Variants in TMEFF2 observed in about 807,000 individuals in gnomAD.
TMEFF2 encodes the protein tomoregulin-2.
In TMEFF2, 28 loss-of-function variants were observed where a neutral mutation model predicts 53.8. The ratio of observed to expected loss-of-function variants is 0.52; its 90% CI spans 0.39 to 0.71. The LOEUF is 0.71. Ranked by LOEUF, TMEFF2 falls within the 30% of genes least tolerant of loss-of-function variation. The pLI is 0.00. For synonymous variants in TMEFF2, 162 were observed against 166.3 expected, an observed-to-expected ratio of 0.97 and a Z score of 0.20; for missense variants, 353 against 455.2, an observed-to-expected ratio of 0.78 and a Z score of 2.04.
chr2:192,094,243 A>C (rs946774485), intron 4 of TMEFF2, among the ~76,000 whole-genome samples: 1 of 152,172 alleles, frequency 6.6e-6, no homozygotes, highest in Admixed American at 6.6e-5. Context: ...TGTGGCTTAC[A>C]ACACAGATAA....
At chr2:192,165,791 A>C (rs1412747401) in intron 4 of TMEFF2, among the ~76,000 whole-genome samples, 2 of 152,106 alleles carry the variant, frequency 1.3e-5, no homozygotes, top group Non-Finnish European at 2.9e-5. Context: ...ATGCTCCCTC[A>C]GCATTAGCAG....
intron 7 of TMEFF2, among the ~76,000 whole-genome samples, chr2:191,978,490 C>T (rs75172341): frequency 0.01 from 1,567 of 151,818 alleles, 24 homozygotes; most frequent in African/African-American, 0.036. Flanking sequence ...ATTGATCTAT[C>T]TGAAGACCAC....
At chr2:192,103,993 G>C (rs1222370124) in intron 4 of TMEFF2, among the ~76,000 whole-genome samples, 1 of 151,874 alleles carries the variant, frequency 6.6e-6, no homozygotes, top group Non-Finnish European at 1.5e-5. Context: ...GTTTTGAGAG[G>C]ACTAACGCTT....
intron 4 of TMEFF2, among the ~76,000 whole-genome samples, chr2:192,175,735 C>G (rs1691025634): frequency 6.6e-6 from 1 of 151,306 alleles, no homozygotes; most frequent in South Asian, 2.1e-4. Context: ...CATTATCATA[C>G]AACTTCCCAT....
intron 2 of TMEFF2, among the ~76,000 whole-genome samples, chr2:192,185,594 A>G (rs1299088506): frequency 6.6e-6 from 1 of 152,070 alleles, no homozygotes; most frequent in Non-Finnish European, 1.5e-5. Flanking sequence ...AAGTTTAAAT[A>G]TATGTGATAA....
chr2:192,167,396 A>G (rs1409464162), intron 4 of TMEFF2, among the ~76,000 whole-genome samples: 1 of 152,140 alleles, frequency 6.6e-6, no homozygotes, highest in Non-Finnish European at 1.5e-5. Flanking sequence ...TAAATATTGT[A>G]TATGTTAATA....
chr2:191,953,680 T>C lies in TMEFF2; in HGVS notation c.1027A>G (p.Arg343Gly). 1 of 1,613,380 alleles carries C rather than the reference T, an allele frequency of 6.2e-7. No individual in the cohort carries two copies. Among genetic ancestry groups the C allele is most frequent in the East Asian group, 2.2e-5 (1 of 44,862 alleles). The change falls in exon 9 of 10, where the codon AGG becomes GGG. Residue 343 changes from arginine (R) to glycine (G), a missense_variant and splice_region_variant. Around this residue, in one of 3 missense-constraint regions of TMEFF2, gnomAD observed 294 missense variants for 397.3 expected, o/e 0.74. Coordinates refer to ENST00000272771, the MANE Select transcript of TMEFF2 (RefSeq NM_016192.4). ...TAGCCACCAAGTGCTGTTACTGACC[T>C]TGTGATGCAGAGGACCACCACACAG... ...VICVVVLCITRKCPRSNRIHR... is the reference protein window; with the variant it reads ...VICVVVLCITGKCPRSNRIHR...
At chr2:192,019,462 A>G (rs1037523780) in intron 5 of TMEFF2, among the ~76,000 whole-genome samples, 3 of 152,060 alleles carry the variant, frequency 2.0e-5, no homozygotes, top group African/African-American at 7.2e-5. Flanking sequence ...ATACCAGGAA[A>G]TTGACTTAAT....
At position 192,066,287 on chromosome 2, in the gene TMEFF2, G is replaced by A. The variant is rs1321039194; in HGVS notation, c.440-8512C>T. On this transcript the variant is annotated intron_variant, in intron 4 of 9. Transcript: ENST00000272771. Reference sequence around the variant, plus strand: ...TGCAGTAACGTGTTCAGATTTTAGGGAGGAAATCCATTATCTTTGTTTCTT... The same window carrying A: ...TGCAGTAACGTGTTCAGATTTTAGGAAGGAAATCCATTATCTTTGTTTCTT... Among the ~76,000 whole-genome samples the A allele has an allele frequency of 3.3e-5, 5 of 151,788 alleles. No homozygotes were observed. The East Asian group carries it at 9.7e-4, about 29-fold the overall frequency.
intron 4 of TMEFF2, among the ~76,000 whole-genome samples, chr2:192,171,300 A>G (rs891745862): frequency 6.6e-6 from 1 of 152,086 alleles, no homozygotes; most frequent in Non-Finnish European, 1.5e-5. Flanking sequence ...GACAAGAGAT[A>G]CTGTGATCCC....
intron 7 of TMEFF2, among the ~76,000 whole-genome samples, chr2:191,997,996 A>G (rs1686263368): frequency 6.6e-6 from 1 of 151,914 alleles, no homozygotes; most frequent in Non-Finnish European, 1.5e-5. Flanking sequence ...ATGTTTTGTT[A>G]TTTGTACTAT....
At position 191,956,302 on chromosome 2, in the gene TMEFF2, C is replaced by T. The variant is rs781131872; in HGVS notation, c.822G>A (p.Met274Ile). 6.2e-7 allele frequency: 1 copy of T among 1,613,964 alleles called. No homozygotes were observed. Among genetic ancestry groups the T allele is most frequent in the Non-Finnish European group, 8.5e-7 (1 of 1,179,932 alleles). ...PCPEHYNGFCMHGKCEHSINM... is the reference protein window; with the variant it reads ...PCPEHYNGFCIHGKCEHSINM... ...TGATAGAATGCTCACACTTCCCATG[C>T]ATGCAGAAGCCATTGTAATGTTCCG... is the stretch of plus-strand genomic sequence containing the variant. Residue 274 changes from methionine to isoleucine, a missense_variant, in exon 8 of 10, where the codon ATG (methionine) becomes ATA (isoleucine). Coordinates refer to ENST00000272771, the MANE Select transcript of TMEFF2 (RefSeq NM_016192.4).
chr2:192,103,243 C>T (rs765017012), intron 4 of TMEFF2, among the ~76,000 whole-genome samples: 1 of 152,122 alleles, frequency 6.6e-6, no homozygotes, highest in Admixed American at 6.6e-5. Context: ...ATATCACTAT[C>T]CCAAAGTGGG....
intron 7 of TMEFF2, among the ~76,000 whole-genome samples, chr2:191,974,026 G>T (rs1399991812): frequency 6.6e-6 from 1 of 152,102 alleles, no homozygotes; most frequent in East Asian, 1.9e-4. Flanking sequence ...TGTCTTATTA[G>T]CAGAATGAGA....
At chr2:191,971,930 T>C (rs575639898) in intron 7 of TMEFF2, among the ~76,000 whole-genome samples, 2 of 151,940 alleles carry the variant, frequency 1.3e-5, no homozygotes, top group Admixed American at 1.3e-4. Flanking sequence ...AAAGGAAGGA[T>C]GAGAAAGAGC....
At chr2:191,994,703 A>T (rs952987877) in intron 7 of TMEFF2, among the ~76,000 whole-genome samples, 2 of 151,978 alleles carry the variant, frequency 1.3e-5, no homozygotes, top group African/African-American at 4.8e-5. Context: ...AAAGCCTGGA[A>T]AGCCCTAGCT....
intron 4 of TMEFF2, among the ~76,000 whole-genome samples, chr2:192,160,081 T>C (rs140752029): frequency 4.7e-4 from 72 of 152,298 alleles, no homozygotes; most frequent in Admixed American, 9.2e-4. Context: ...AAAGGGCATC[T>C]TGTTTGACTG....
intron 5 of TMEFF2, among the ~76,000 whole-genome samples, chr2:192,019,284 C>T (rs970377353): frequency 1.3e-5 from 2 of 151,824 alleles, no homozygotes; most frequent in Admixed American, 6.6e-5. Flanking sequence ...TTACTCAATA[C>T]ATCTTCATTA....
chr2:192,106,001 C>G (rs2105949325), intron 4 of TMEFF2, among the ~76,000 whole-genome samples: 1 of 151,788 alleles, frequency 6.6e-6, no homozygotes, highest in East Asian at 1.9e-4. Context: ...TTTAACAATA[C>G]ACATATGTCT....
Sources: allele counts gnomAD v4.1 joint callset (sites outside exome capture counted in the v4.1 genomes callset), GRCh38; gene constraint gnomAD v4.1.1; regional missense constraint gnomAD v4.1.1; transcripts MANE v1.5; gene names NCBI Gene and HGNC (gene_info 2026-07-23, HGNC 2026-07-21).